Variants in CACNA1C observed in about 807,000 individuals in gnomAD.
The protein encoded by CACNA1C is voltage-dependent L-type calcium channel subunit alpha-1C.
A neutral mutation model predicts 229.0 loss-of-function variants in CACNA1C; 30 were observed. The observed-to-expected ratio is 0.13, with a 90% confidence interval of 0.10 to 0.18. The LOEUF (loss-of-function observed/expected upper bound fraction) is 0.18, where lower values mean the gene tolerates loss of function less well. CACNA1C is among the 10% of genes least tolerant of loss of function. The probability of loss-of-function intolerance (pLI) is 1.00; values close to 1 mark genes in which losing one functional copy is unlikely to be tolerated. For synonymous variants in CACNA1C, 1,114 were observed against 1,132.5 expected, an observed-to-expected ratio of 0.98 and a Z score of 0.33; for missense variants, 1,658 against 2,845.0, an observed-to-expected ratio of 0.58 and a Z score of 9.49.
chr12:2,397,861 G>A (rs558597666), intron 3 of CACNA1C, among the ~76,000 whole-genome samples: 2 of 152,374 alleles, frequency 1.3e-5, no homozygotes, highest in South Asian at 2.1e-4. Context: ...TAGCTCTCGG[G>A]CAGCTAGCTG....
At chr12:2,631,142 CT>C (rs2090209359) in intron 29 of CACNA1C, among the ~76,000 whole-genome samples, 1 of 152,138 alleles carries the variant, frequency 6.6e-6, no homozygotes, top group Non-Finnish European at 1.5e-5. Context: ...CCATTTCTTC[CT>C]TTTCCTTTCT....
chr12:2,044,353 G>A (rs963258830), intron 1 of CACNA1C, among the ~76,000 whole-genome samples: 8 of 152,136 alleles, frequency 5.3e-5, no homozygotes, highest in South Asian at 2.1e-4. Flanking sequence ...GAAGTCATTC[G>A]GCAAGTTCAT....
At chr12:2,542,020 G>A (rs1385605204) in intron 9 of CACNA1C, among the ~76,000 whole-genome samples, 2 of 152,162 alleles carry the variant, frequency 1.3e-5, no homozygotes, top group East Asian at 1.9e-4. Context: ...TCTCAGGATG[G>A]GAAGGAAGGG....
In CACNA1C at chr12:2,585,574, C is replaced by T; in HGVS notation, c.2460+78C>T. On this transcript the variant is annotated intron_variant, in intron 17 of 46. Coordinates refer to ENST00000399655, the MANE Select transcript of CACNA1C (RefSeq NM_000719.7). This position sits in a 1 kb window ranked among gnomAD's most constrained non-coding sequence, Gnocchi z 4.1. ...GCCACAGCCTTCCCAGGCCAGAACC[C>T]TGTGGAGAAGAGGAGAGAAAGAAAG... The T allele has an allele frequency of 6.9e-7, 1 of 1,446,060 alleles. No individual in the cohort carries two copies. Among genetic ancestry groups the T allele is most frequent in the South Asian group, 1.4e-5 (1 of 69,234 alleles). 89.6% of individuals were successfully genotyped at this position (1,446,060 alleles called of 1,614,324 possible).
At chr12:2,243,915 T>C (rs2071775917) in intron 3 of CACNA1C, among the ~76,000 whole-genome samples, 1 of 152,214 alleles carries the variant, frequency 6.6e-6, no homozygotes, top group Non-Finnish European at 1.5e-5. Context: ...TAAAGACAAC[T>C]GGAGAATGAC....
intron 1 of CACNA1C, among the ~76,000 whole-genome samples, chr12:2,097,243 T>C (rs1218886472): frequency 3.9e-5 from 6 of 152,138 alleles, no homozygotes; most frequent in Non-Finnish European, 8.8e-5. Flanking sequence ...CCTCCCAGGT[T>C]CACACCATTC....
chr12:2,646,256 C>G lies in CACNA1C; in HGVS notation c.3913-2219C>G, dbSNP rs1045650308. On this transcript the variant is annotated intron_variant, in intron 30 of 46. Coordinates refer to ENST00000399655, the MANE Select transcript of CACNA1C (RefSeq NM_000719.7). This position sits in a 1 kb window ranked among gnomAD's most constrained non-coding sequence, Gnocchi z 4.6. Reference sequence around the variant, plus strand: ...GATTCTGAATGTTTAAGAAGTAAAACAGGTTTTTTTTGGTTTTGTTTTGTT... The same window carrying G: ...GATTCTGAATGTTTAAGAAGTAAAAGAGGTTTTTTTTGGTTTTGTTTTGTT... The G allele has an allele frequency of 3.9e-5, 6 of 152,072 alleles. No individual in the cohort carries two copies. The highest frequency in any genetic ancestry group is 1.2e-4 in the African/African-American group (5 of 41,410). The allele number at this position is 152,072 out of a possible 1,614,324, so 9.4% of individuals were successfully genotyped here.
intron 9 of CACNA1C, among the ~76,000 whole-genome samples, chr12:2,535,011 G>A (rs953571172): frequency 2.0e-5 from 3 of 152,204 alleles, no homozygotes; most frequent in Non-Finnish European, 4.4e-5. Context: ...GGAGAGGGAA[G>A]CCCTGCCTCC....
intron 3 of CACNA1C, among the ~76,000 whole-genome samples, chr12:2,128,100 A>G (rs1309317569): frequency 6.6e-6 from 1 of 152,162 alleles, no homozygotes; most frequent in African/African-American, 2.4e-5. Context: ...GAATGAATGG[A>G]TCCTGTGAAG....
chr12:2,057,174 T>C (rs535829614), intron 1 of CACNA1C, among the ~76,000 whole-genome samples: 6 of 152,318 alleles, frequency 3.9e-5, no homozygotes, highest in African/African-American at 1.4e-4. Context: ...TAAAACTGCT[T>C]GAGTTGGGTT....
At chr12:2,535,399 A>T (rs1223516471) in intron 9 of CACNA1C, among the ~76,000 whole-genome samples, 1 of 143,832 alleles carries the variant, frequency 7.0e-6, no homozygotes, top group African/African-American at 2.6e-5. Flanking sequence ...AAAAAAAGAA[A>T]AAGAAAAAGC....
intron 3 of CACNA1C, among the ~76,000 whole-genome samples, chr12:2,429,103 G>A (rs979426864): frequency 2.0e-5 from 3 of 152,016 alleles, no homozygotes; most frequent in Non-Finnish European, 2.9e-5. Flanking sequence ...TTGGTTTGTA[G>A]ATGCATTAAT....
chr12:2,114,491 T>G (rs1235159427), intron 1 of CACNA1C, among the ~76,000 whole-genome samples: 1 of 152,212 alleles, frequency 6.6e-6, no homozygotes, highest in Non-Finnish European at 1.5e-5. Context: ...TAGATCTTTC[T>G]CAATGAAAAG....
intron 1 of CACNA1C, among the ~76,000 whole-genome samples, chr12:2,089,029 C>T (rs1297252221): frequency 6.6e-6 from 1 of 152,170 alleles, no homozygotes; most frequent in Non-Finnish European, 1.5e-5. Context: ...TGAGACTTTG[C>T]ACTTCTTAGT....
chr12:2,251,800 T>C (rs1272600872), intron 3 of CACNA1C, among the ~76,000 whole-genome samples: 1 of 152,190 alleles, frequency 6.6e-6, no homozygotes, highest in Non-Finnish European at 1.5e-5. Context: ...CAGAACTGAA[T>C]GAGGCTGGGG....
intron 4 of CACNA1C, among the ~76,000 whole-genome samples, chr12:2,455,112 C>T (rs958911112): frequency 3.9e-5 from 6 of 152,212 alleles, no homozygotes; most frequent in African/African-American, 1.2e-4. Context: ...GGTTCCCTCT[C>T]GCTTCTATGT....
intron 2 of CACNA1C, among the ~76,000 whole-genome samples, chr12:2,117,443 T>C (rs1249678939): frequency 6.6e-6 from 1 of 152,226 alleles, no homozygotes; most frequent in Non-Finnish European, 1.5e-5. Flanking sequence ...ACTGCTTGCA[T>C]ATCTGCTCAC....
chr12:2,673,733 T>G (rs1189827666), intron 38 of CACNA1C, among the ~76,000 whole-genome samples: 1 of 152,158 alleles, frequency 6.6e-6, no homozygotes. Context: ...CCCACATGAC[T>G]GTTTGCTTTC....
At position 2,512,638 on chromosome 12, in the gene CACNA1C, C is replaced by CT. The variant is rs887602922; in HGVS notation, c.1218-173dup. Among the ~76,000 whole-genome samples, 5 of 152,140 alleles carry CT rather than the reference C, an allele frequency of 3.3e-5. No individual in the cohort carries two copies. Among genetic ancestry groups the CT allele is most frequent in the African/African-American group, 1.2e-4 (5 of 41,424 alleles). On this transcript the variant is annotated intron_variant, in intron 8 of 46. Coordinates refer to ENST00000399655, the MANE Select transcript of CACNA1C (RefSeq NM_000719.7). This position sits in a 1 kb window ranked among gnomAD's most constrained non-coding sequence, Gnocchi z 4.3. ...GAGGTGATAGTAGACCTAACCTAGG[C>CT]TGACTAGCGGAGCTGTCTGTGGAAA... is the stretch of plus-strand genomic sequence containing the variant.
Sources: allele counts gnomAD v4.1 joint callset (sites outside exome capture counted in the v4.1 genomes callset), GRCh38; gene constraint gnomAD v4.1.1; non-coding constraint Gnocchi (gnomAD v3.1); transcripts MANE v1.5; gene names NCBI Gene and HGNC (gene_info 2026-07-23, HGNC 2026-07-21).